The following TOP2B variants were observed in gnomAD, a reference collection of about 807,000 sequenced individuals.
TOP2B encodes the protein DNA topoisomerase 2-beta.
Under a neutral mutation model 193.5 loss-of-function variants are expected in TOP2B, and 51 were observed. The ratio of observed to expected loss-of-function variants is 0.26; its 90% CI spans 0.21 to 0.33. The LOEUF (loss-of-function observed/expected upper bound fraction) is 0.33. Ranked by LOEUF, TOP2B falls within the 10% of genes least tolerant of loss-of-function variation. The pLI is 1.00. For missense variants in TOP2B, 1,378 were observed against 1,909.3 expected, an observed-to-expected ratio of 0.72 and a Z score of 5.19; for synonymous variants, 634 against 635.7, an observed-to-expected ratio of 1.00 and a Z score of 0.04.
Position 25,615,263 on chromosome 3 carries a change from C to A in TOP2B, c.3533G>T (p.Arg1178Ile). Reference sequence around the variant, plus strand: ...TTTCCAAAGATCTGAAGGAGATTTTCTTTTAAGATCATTGACCTCTCGCCC... The same window carrying A: ...TTTCCAAAGATCTGAAGGAGATTTTATTTTAAGATCATTGACCTCTCGCCC... Reference protein sequence around the residue: ...AKGREVNDLKRKSPSDLWKED... With the variant: ...AKGREVNDLKIKSPSDLWKED... Residue 1178 changes from arginine (R) to isoleucine (I), a missense_variant, in exon 27 of 36, where the codon AGA becomes ATA. Physicochemically the swap from Arg to Ile is moderately conservative, Grantham distance 97. This residue lies in a region of TOP2B where 556 missense variants were observed against 584.2 expected (regional missense o/e 0.95). Transcript: ENST00000264331. 1 of 1,612,268 alleles carries A rather than the reference C, an allele frequency of 6.2e-7. No individual in the cohort carries two copies.
chr3:25,644,133 G>A (rs1703345904), intron 2 of TOP2B, among the ~76,000 whole-genome samples: 1 of 150,488 alleles, frequency 6.6e-6, no homozygotes, highest in African/African-American at 2.4e-5. Flanking sequence ...AGGGAGCAGA[G>A]TAAAATAATA....
rs1701973591 is a variant in TOP2B at position 25,598,266 on chromosome 3, C to CACAAGATATTTGTTGAA, written c.*24_*40dup. On this transcript the variant is annotated 3_prime_UTR_variant, in exon 36 of 36. Coordinates refer to ENST00000264331, the MANE Select transcript of TOP2B (RefSeq NM_001330700.2). ...TGAGACAGAGAAGACAAAAGGACAA[C>CACAAGATATTTGTTGAA]ACAAGATATTTGTTGAAAAATGTTT... 6.4e-7 allele frequency: 1 copy of CACAAGATATTTGTTGAA among 1,562,264 alleles called. No homozygotes were observed. Among genetic ancestry groups the CACAAGATATTTGTTGAA allele is most frequent in the Admixed American group, 1.8e-5 (1 of 55,878 alleles).
chr3:25,636,189 A>C (rs759929411), intron 6 of TOP2B, 41 bp from the exon 7 acceptor site: 30 of 1,219,606 alleles, frequency 2.5e-5, no homozygotes, highest in Non-Finnish European at 3.4e-5. Flanking sequence ...TAATGCTTCC[A>C]TATCTCATAA....
At position 25,626,764 on chromosome 3, in the gene TOP2B, A is replaced by C. The variant is rs779068756; in HGVS notation, c.2109+8T>G. ...TCTTTCCCCAGGTCACCACTCTTTA[A>C]GACTAACCTCTGGTAAGCCATGTAG... On this transcript the variant is annotated splice_region_variant and intron_variant, in intron 17 of 35. Transcript: ENST00000264331. 2 of 1,601,990 alleles carry C rather than the reference A, an allele frequency of 1.2e-6. No individual in the cohort carries two copies. The highest frequency in any genetic ancestry group is 1.7e-6 in the Non-Finnish European group (2 of 1,172,120).
At chr3:25,656,484 T>C (rs1009436813) in intron 1 of TOP2B, among the ~76,000 whole-genome samples, 5 of 152,100 alleles carry the variant, frequency 3.3e-5, no homozygotes, top group African/African-American at 1.2e-4. Context: ...AAATCCTTAA[T>C]ATAAACCCTT....
At chr3:25,602,794 A>C (rs1702142332) in intron 33 of TOP2B, among the ~76,000 whole-genome samples, 1 of 152,228 alleles carries the variant, frequency 6.6e-6, no homozygotes, top group African/African-American at 2.4e-5. Flanking sequence ...CAGATATCTG[A>C]GTACTATAGC....
intron 1 of TOP2B, among the ~76,000 whole-genome samples, chr3:25,663,175 T>C (rs1425927500): frequency 2.0e-5 from 3 of 152,176 alleles, no homozygotes; most frequent in African/African-American, 7.2e-5. Context: ...AGCACCCTTT[T>C]TATAAGAAGC....
At chr3:25,616,023 T>C (rs1054558878) in intron 25 of TOP2B, 2 of 152,126 alleles carry the variant, frequency 1.3e-5, no homozygotes, top group Non-Finnish European at 2.9e-5. Context: ...TTATAATAAA[T>C]ATGTTAAGGT....
At chr3:25,642,953 A>G (rs2125393933) in intron 3 of TOP2B, among the ~76,000 whole-genome samples, 1 of 152,328 alleles carries the variant, frequency 6.6e-6, no homozygotes, top group Non-Finnish European at 1.5e-5. Context: ...CATAGAAGAA[A>G]TATGCTCCTG....
chr3:25,646,405 G>T (rs1234434372), intron 1 of TOP2B, among the ~76,000 whole-genome samples: 1 of 152,150 alleles, frequency 6.6e-6, no homozygotes, highest in Admixed American at 6.5e-5. Context: ...AGGAGGCACA[G>T]GTTGGTGATC....
chr3:25,613,996 G>A (rs1223512808), intron 27 of TOP2B, among the ~76,000 whole-genome samples: 1 of 152,150 alleles, frequency 6.6e-6, no homozygotes, highest in African/African-American at 2.4e-5. Flanking sequence ...CTGTGCCAGT[G>A]TACAATAGAT....
intron 34 of TOP2B, among the ~76,000 whole-genome samples, chr3:25,600,140 T>C (rs960976110): frequency 6.6e-6 from 1 of 151,940 alleles, no homozygotes; most frequent in African/African-American, 2.4e-5. Flanking sequence ...ACATGCAGCA[T>C]TTTTTTTCAC....
chr3:25,618,128 T>TAAA (rs1355910217), intron 25 of TOP2B: 1 of 332,884 alleles, frequency 3.0e-6, no homozygotes, highest in Non-Finnish European at 5.5e-6. Flanking sequence ...CAACACCTTT[T>TAAA]AATGGCAGAC....
chr3:25,632,237 T>TA (rs1295281120), intron 10 of TOP2B, among the ~76,000 whole-genome samples: 1 of 152,050 alleles, frequency 6.6e-6, no homozygotes, highest in Non-Finnish European at 1.5e-5. Context: ...CATAATTCCC[T>TA]ACTTTAGTTC....
chr3:25,618,379 T>A (rs1218027104), intron 25 of TOP2B, 39 bp downstream of exon 25: 1 of 1,518,580 alleles, frequency 6.6e-7, no homozygotes, highest in Non-Finnish European at 9.1e-7. Flanking sequence ...AAGTTGCTTT[T>A]AAAAGCTTCT....
At chr3:25,628,001 G>A (rs368814329) in intron 15 of TOP2B, among the ~76,000 whole-genome samples, 32 of 150,432 alleles carry the variant, frequency 2.1e-4, no homozygotes, top group South Asian at 2.1e-3. Context: ...GAAGAGAGCC[G>A]AGATCCCACC....
Position 25,598,212 on chromosome 3 carries a change from C to A in TOP2B, c.*95G>T. On this transcript the variant is annotated 3_prime_UTR_variant, in exon 36 of 36. Coordinates refer to ENST00000264331, the MANE Select transcript of TOP2B (RefSeq NM_001330700.2). Reference sequence around the variant, plus strand: ...TAAAAAACCGTCAATTACATCATCACATTAAAATAAGCCAGATGTACAAAA... The same window carrying A: ...TAAAAAACCGTCAATTACATCATCAAATTAAAATAAGCCAGATGTACAAAA... 1 of 1,307,996 alleles carries A rather than the reference C, an allele frequency of 7.6e-7. No homozygotes were observed. The highest frequency in any genetic ancestry group is 1.5e-5 in the African/African-American group (1 of 67,482). The allele number at this position is 1,307,996 out of a possible 1,614,324, so 81.0% of individuals were successfully genotyped here.
chr3:25,640,315 A>G (rs564851605), intron 4 of TOP2B, among the ~76,000 whole-genome samples: 1 of 152,322 alleles, frequency 6.6e-6, no homozygotes, highest in Admixed American at 6.5e-5. Flanking sequence ...ATGAAATTCA[A>G]TTAAAGGCAA....
rs76782171 is a variant in TOP2B at position 25,634,020 on chromosome 3, A to G, written c.853-6T>C. ...TAACTGCGAAATCCATTTACCTATT[A>G]ATTTAAAAAACAAAAACAATTAAAA... is the stretch of plus-strand genomic sequence containing the variant. On this transcript the variant is annotated splice_polypyrimidine_tract_variant and splice_region_variant and intron_variant, in intron 7 of 35. Transcript: ENST00000264331. The G allele has an allele frequency of 4.2e-5, 67 of 1,593,156 alleles. No individual in the cohort carries two copies. The East Asian group carries it at 1.5e-3, about 36-fold the overall frequency.
Sources: allele counts gnomAD v4.1 joint callset (sites outside exome capture counted in the v4.1 genomes callset), GRCh38; gene constraint gnomAD v4.1.1; regional missense constraint gnomAD v4.1.1; transcripts MANE v1.5; gene names NCBI Gene and HGNC (gene_info 2026-07-23, HGNC 2026-07-21).